The following SORCS2 variants were observed in gnomAD, a reference collection of about 807,000 sequenced individuals.
The protein encoded by SORCS2 is VPS10 domain-containing receptor SorCS2.
SORCS2 carries 100 observed loss-of-function variants against 141.6 expected under a neutral mutation model. The observed-to-expected ratio is 0.71, with a 90% CI of 0.60 to 0.83. SORCS2 has a LOEUF of 0.83. SORCS2 is among the 40% of genes least tolerant of loss of function. The pLI is 0.00. For missense variants in SORCS2, 1,646 were observed against 1,560.2 expected, an observed-to-expected ratio of 1.05 and a Z score of -0.93; for synonymous variants, 789 against 676.9, an observed-to-expected ratio of 1.17 and a Z score of -2.57.
chr4:7,275,168 G>A (rs767175956), intron 1 of SORCS2, among the ~76,000 whole-genome samples: 33 of 152,182 alleles, frequency 2.2e-4, no homozygotes, highest in Non-Finnish European at 4.3e-4. Context: ...AGTGTCTCTA[G>A]TTTGTGGGTT....
At chr4:7,706,148 AGAGGCTGGGCTCCGTCTGGGCAGGGAT>A (rs1560498677) in intron 14 of SORCS2, among the ~76,000 whole-genome samples, 2 of 45,906 alleles carry the variant, frequency 4.4e-5, no homozygotes, top group Admixed American at 2.7e-4. Context: ...TGGACAGAGA[AGAGGCTGGGCTCCGTCTGGGCAGGGAT>A]GAGGCTGGGC....
At chr4:7,674,718 G>A (rs1723004598) in intron 8 of SORCS2, among the ~76,000 whole-genome samples, 1 of 151,256 alleles carries the variant, frequency 6.6e-6, no homozygotes. Context: ...CCGACCCTGA[G>A]CCACCTGCCA....
At chr4:7,628,886 A>C (rs1719692802) in intron 3 of SORCS2, among the ~76,000 whole-genome samples, 1 of 152,198 alleles carries the variant, frequency 6.6e-6, no homozygotes, top group Non-Finnish European at 1.5e-5. Flanking sequence ...CTGTTTTGCC[A>C]CAATAAGAAA....
chr4:7,269,815 G>A (rs1714996700), intron 1 of SORCS2, among the ~76,000 whole-genome samples: 1 of 152,214 alleles, frequency 6.6e-6, no homozygotes, highest in Non-Finnish European at 1.5e-5. Context: ...TTTTGTTGCT[G>A]TGAGCCACCC....
At chr4:7,559,760 C>T (rs1173750159) in intron 3 of SORCS2, among the ~76,000 whole-genome samples, 4 of 152,336 alleles carry the variant, frequency 2.6e-5, no homozygotes, top group African/African-American at 9.6e-5. Flanking sequence ...ATAGTTTCCC[C>T]CTCCGGGTGG....
At chr4:7,406,226 A>T (rs1321206739) in intron 2 of SORCS2, among the ~76,000 whole-genome samples, 3 of 149,670 alleles carry the variant, frequency 2.0e-5, no homozygotes, top group Admixed American at 6.7e-5. Flanking sequence ...TGGTTTTGAT[A>T]TCAGGGAAAC....
chr4:7,427,476 G>A (rs1230313141), intron 2 of SORCS2, among the ~76,000 whole-genome samples: 3 of 152,212 alleles, frequency 2.0e-5, no homozygotes, highest in African/African-American at 7.2e-5. Flanking sequence ...GGGACGGGAT[G>A]AGACGGTGGC....
chr4:7,686,853 C>A (rs1448624249), intron 10 of SORCS2, among the ~76,000 whole-genome samples: 9 of 152,228 alleles, frequency 5.9e-5, no homozygotes, highest in African/African-American at 1.7e-4. Flanking sequence ...GTCAGCAGGC[C>A]GCAAGGCGAA....
At chr4:7,465,919 G>A (rs796517271) in intron 2 of SORCS2, among the ~76,000 whole-genome samples, 41 of 152,302 alleles carry the variant, frequency 2.7e-4, no homozygotes, top group African/African-American at 9.6e-4. Context: ...GGAAACAGAG[G>A]TGCAGACAGG....
At chr4:7,288,701 C>G (rs1459710608) in intron 1 of SORCS2, among the ~76,000 whole-genome samples, 1 of 148,762 alleles carries the variant, frequency 6.7e-6, no homozygotes, top group Non-Finnish European at 1.5e-5. Flanking sequence ...CTCCTGTGAC[C>G]TCTTTAACCT....
intron 2 of SORCS2, among the ~76,000 whole-genome samples, chr4:7,514,073 G>A (rs78859453): frequency 0.016 from 2,419 of 152,192 alleles, 75 homozygotes; most frequent in African/African-American, 0.055. Context: ...GCTGGGAGCC[G>A]AGGACACAGG....
intron 2 of SORCS2, among the ~76,000 whole-genome samples, chr4:7,454,162 GTGTGTTGGGGTCAGGCGC>G (rs1190513742): frequency 1.6e-5 from 2 of 127,692 alleles, no homozygotes; most frequent in African/African-American, 3.1e-5. Flanking sequence ...GTCAGGTGCT[GTGTGTTGGGGTCAGGCGC>G]TGTGTTGGGG....
intron 2 of SORCS2, among the ~76,000 whole-genome samples, chr4:7,450,371 C>G (rs1487254241): frequency 6.6e-6 from 1 of 152,230 alleles, no homozygotes; most frequent in Non-Finnish European, 1.5e-5. Flanking sequence ...TACACCTGCT[C>G]TCCAGCCCTT....
chr4:7,288,598 A>G (rs1306811837), intron 1 of SORCS2, among the ~76,000 whole-genome samples: 1 of 148,530 alleles, frequency 6.7e-6, no homozygotes, highest in Non-Finnish European at 1.5e-5. Flanking sequence ...GAGAAGAGAG[A>G]GGAGAGAGGA....
chr4:7,536,726 G>A (rs1712153746), intron 3 of SORCS2, among the ~76,000 whole-genome samples: 1 of 152,084 alleles, frequency 6.6e-6, no homozygotes. Context: ...ATCATTGCAT[G>A]AAACTTATCT....
chr4:7,633,125 G>A (rs2108851882), intron 3 of SORCS2, among the ~76,000 whole-genome samples: 1 of 152,312 alleles, frequency 6.6e-6, no homozygotes, highest in Admixed American at 6.5e-5. Context: ...ATTTTGAAAA[G>A]TGAAGGTTTA....
In SORCS2 at chr4:7,648,480, T is replaced by G. The variant is rs1236978319; in HGVS notation, c.814-5654T>G. On this transcript the variant is annotated intron_variant, in intron 4 of 26. Transcript: ENST00000507866. This position sits in a 1 kb window ranked among gnomAD's most constrained non-coding sequence, Gnocchi z 4.2. Reference sequence around the variant, plus strand: ...GACTCAGCCCCCGCCTTCCTCTGCCTGGGAGTATTTATAGAGGGCCTTCTA... The same window carrying G: ...GACTCAGCCCCCGCCTTCCTCTGCCGGGGAGTATTTATAGAGGGCCTTCTA... Among the ~76,000 whole-genome samples, 1 of 152,074 alleles carries G rather than the reference T, an allele frequency of 6.6e-6. No individual in the cohort carries two copies. Among genetic ancestry groups the G allele is most frequent in the African/African-American group, 2.4e-5 (1 of 41,404 alleles).
At chr4:7,600,059 T>C (rs910693106) in intron 3 of SORCS2, among the ~76,000 whole-genome samples, 6 of 152,050 alleles carry the variant, frequency 3.9e-5, no homozygotes, top group African/African-American at 1.4e-4. Flanking sequence ...TGACCTCAAG[T>C]GATCCACCCA....
intron 1 of SORCS2, among the ~76,000 whole-genome samples, chr4:7,358,060 G>C (rs1309800960): frequency 1.3e-5 from 2 of 152,222 alleles, no homozygotes; most frequent in Non-Finnish European, 2.9e-5. Context: ...AAGTTTCTAA[G>C]AGTGGCTGGA....
Sources: allele counts gnomAD v4.1 joint callset (sites outside exome capture counted in the v4.1 genomes callset), GRCh38; gene constraint gnomAD v4.1.1; non-coding constraint Gnocchi (gnomAD v3.1); transcripts MANE v1.5; gene names NCBI Gene and HGNC (gene_info 2026-07-23, HGNC 2026-07-21).